MCTP1: variants seen among roughly 807,000 people sequenced by gnomAD.
MCTP1 encodes multiple C2 and transmembrane domain-containing protein 1.
Under a neutral mutation model 120.6 loss-of-function variants are expected in MCTP1, and 69 were observed. The observed-to-expected ratio is 0.57, with a 90% CI of 0.47 to 0.70. The LOEUF is 0.70. MCTP1 is among the 30% of genes least tolerant of loss of function. The pLI is 0.00. For synonymous variants in MCTP1, 529 were observed against 493.1 expected (o/e 1.07, Z -0.96); for missense variants, 1,203 against 1,248.8 (o/e 0.96, Z 0.55).
At chr5:95,155,801 C>T (rs1745057746) in intron 1 of MCTP1, among the ~76,000 whole-genome samples, 1 of 152,160 alleles carries the variant, frequency 6.6e-6, no homozygotes, top group Non-Finnish European at 1.5e-5. Flanking sequence ...CCCCTTTCCC[C>T]CAAGTGTGGG....
At chr5:95,209,168 T>C (rs2152564573) in intron 1 of MCTP1, among the ~76,000 whole-genome samples, 1 of 152,338 alleles carries the variant, frequency 6.6e-6, no homozygotes, top group Admixed American at 6.5e-5. Context: ...TTCTTGACTT[T>C]GGCTAATAGC....
chr5:95,075,081 A>C (rs181874821), intron 1 of MCTP1, among the ~76,000 whole-genome samples: 4 of 152,362 alleles, frequency 2.6e-5, no homozygotes, highest in Admixed American at 2.6e-4. Flanking sequence ...TGTACTATCA[A>C]CATTTTGTAA....
At chr5:95,127,445 G>A (rs1053548877) in intron 1 of MCTP1, among the ~76,000 whole-genome samples, 3 of 152,152 alleles carry the variant, frequency 2.0e-5, no homozygotes, top group Admixed American at 6.5e-5. Context: ...TTCTGCTGTT[G>A]GACCATGAGG....
intron 1 of MCTP1, among the ~76,000 whole-genome samples, chr5:95,048,603 G>T (rs1745144452): frequency 6.6e-6 from 1 of 152,124 alleles, no homozygotes; most frequent in Non-Finnish European, 1.5e-5. Flanking sequence ...GGACACCAAA[G>T]AAATACTCAG....
At chr5:95,011,296 TCC>T (rs1835885779) in intron 2 of MCTP1, among the ~76,000 whole-genome samples, 1 of 152,188 alleles carries the variant, frequency 6.6e-6, no homozygotes, top group South Asian at 2.1e-4. Context: ...ATTTCAATTC[TCC>T]CTTCCACGTT....
At chr5:94,836,001 C>G (rs1401678985) in intron 17 of MCTP1, among the ~76,000 whole-genome samples, 1 of 151,528 alleles carries the variant, frequency 6.6e-6, no homozygotes, top group Non-Finnish European at 1.5e-5. Context: ...GAGACTCCAT[C>G]TCAAAACAAA....
chr5:95,271,588 A>G (rs1240026136), intron 1 of MCTP1, among the ~76,000 whole-genome samples: 1 of 152,122 alleles, frequency 6.6e-6, no homozygotes, highest in Non-Finnish European at 1.5e-5. Flanking sequence ...GATTGATATT[A>G]GTTATTGTGA....
At chr5:94,709,535 T>G (rs1756013042) in intron 21 of MCTP1, 1 of 152,030 alleles carries the variant, frequency 6.6e-6, no homozygotes, top group Non-Finnish European at 1.5e-5. Flanking sequence ...CCAAGGCAGG[T>G]CTGACCCTAG....
intron 1 of MCTP1, among the ~76,000 whole-genome samples, chr5:95,275,326 C>G (rs1759739963): frequency 6.6e-6 from 1 of 152,232 alleles, no homozygotes; most frequent in African/African-American, 2.4e-5. Flanking sequence ...ATTAAAGAAT[C>G]TAGAAGCTCT....
At chr5:95,177,951 A>G (rs986303179) in intron 1 of MCTP1, among the ~76,000 whole-genome samples, 1 of 152,184 alleles carries the variant, frequency 6.6e-6, no homozygotes, top group Non-Finnish European at 1.5e-5. Flanking sequence ...AAAGCAAAAA[A>G]ATGTAGTGCC....
intron 1 of MCTP1, among the ~76,000 whole-genome samples, chr5:95,061,233 A>T: frequency 6.6e-6 from 1 of 151,742 alleles, no homozygotes. Flanking sequence ...ATAAACACAC[A>T]GAGGGAATAA....
intron 5 of MCTP1, among the ~76,000 whole-genome samples, chr5:94,937,845 G>A (rs1486131008): frequency 6.6e-6 from 1 of 151,826 alleles, no homozygotes; most frequent in East Asian, 1.9e-4. Context: ...CACCACAATC[G>A]CTGCTATATC....
intron 17 of MCTP1, among the ~76,000 whole-genome samples, chr5:94,812,749 A>G (rs760791163): frequency 1.2e-3 from 173 of 150,346 alleles, no homozygotes; most frequent in Non-Finnish European, 1.3e-3. Flanking sequence ...CTCCAGCCTG[A>G]GCAACACAGT....
chr5:95,102,598 T>C (rs1756817287), intron 1 of MCTP1, among the ~76,000 whole-genome samples: 1 of 152,216 alleles, frequency 6.6e-6, no homozygotes, highest in African/African-American at 2.4e-5. Flanking sequence ...GGGGCAGTTC[T>C]GTGCTAAATA....
At chr5:95,102,663 G>A (rs1304494078) in intron 1 of MCTP1, among the ~76,000 whole-genome samples, 1 of 152,106 alleles carries the variant, frequency 6.6e-6, no homozygotes, top group African/African-American at 2.4e-5. Context: ...ACAATTAGGT[G>A]GTATTTATAC....
At chr5:95,126,418 A>G (rs533713171) in intron 1 of MCTP1, among the ~76,000 whole-genome samples, 1 of 152,310 alleles carries the variant, frequency 6.6e-6, no homozygotes, top group South Asian at 2.1e-4. Flanking sequence ...CAATCAGAAA[A>G]CCATGCATGC....
intron 19 of MCTP1, among the ~76,000 whole-genome samples, chr5:94,741,027 G>C (rs554361630): frequency 7.9e-5 from 12 of 152,180 alleles, no homozygotes; most frequent in Non-Finnish European, 1.5e-4. Context: ...GAGGAAGCTG[G>C]TGGGGAAGCT....
At chr5:95,088,350 T>G (rs2152336311) in intron 1 of MCTP1, among the ~76,000 whole-genome samples, 1 of 152,294 alleles carries the variant, frequency 6.6e-6, no homozygotes, top group East Asian at 1.9e-4. Context: ...GAAATGACCT[T>G]GAAATATGAA....
At chr5:95,032,908 A>G (rs1179489583) in intron 1 of MCTP1, among the ~76,000 whole-genome samples, 1 of 152,052 alleles carries the variant, frequency 6.6e-6, no homozygotes, top group Non-Finnish European at 1.5e-5. Context: ...GGGTGACATT[A>G]CAACTGAAAC....
Sources: allele counts gnomAD v4.1 joint callset (sites outside exome capture counted in the v4.1 genomes callset), GRCh38; gene constraint gnomAD v4.1.1; transcripts MANE v1.5; gene names NCBI Gene and HGNC (gene_info 2026-07-23, HGNC 2026-07-21).